The following BTBD10 variants were observed in gnomAD, a reference collection of about 807,000 sequenced individuals.
BTBD10 encodes the protein BTB/POZ domain-containing protein 10.
In BTBD10, 21 loss-of-function variants were observed where a neutral mutation model predicts 53.2. The observed-to-expected ratio is 0.39, with a 90% CI of 0.28 to 0.57. BTBD10 has a LOEUF of 0.57. Ranked by LOEUF, BTBD10 falls within the 20% of genes least tolerant of loss-of-function variation. The pLI, the probability that BTBD10 is intolerant of heterozygous loss-of-function variation, is 0.53. For missense variants in BTBD10, 360 were observed against 594.7 expected (o/e 0.61, Z 4.10); for synonymous variants, 149 against 192.7 (o/e 0.77, Z 1.88).
intron 8 of BTBD10, among the ~76,000 whole-genome samples, chr11:13,397,089 T>C (rs890820885): frequency 2.6e-5 from 4 of 152,248 alleles, no homozygotes; most frequent in Non-Finnish European, 5.9e-5. Flanking sequence ...TCTTTTTCTA[T>C]TGATTGGAAT....
chr11:13,461,688 T>C (rs144105452), intron 1 of BTBD10, among the ~76,000 whole-genome samples: 86 of 152,280 alleles, frequency 5.6e-4, no homozygotes, highest in African/African-American at 1.9e-3. Flanking sequence ...TAGAAGTCTA[T>C]CTGAAAGCTT....
chr11:13,446,244 T>G (rs1426602214), intron 1 of BTBD10, among the ~76,000 whole-genome samples: 1 of 152,068 alleles, frequency 6.6e-6, no homozygotes, highest in East Asian at 1.9e-4. Flanking sequence ...CAAGCTGGAT[T>G]TGATGGTGGG....
chr11:13,450,095 T>C (rs1259741342), intron 1 of BTBD10, among the ~76,000 whole-genome samples: 2 of 152,078 alleles, frequency 1.3e-5, no homozygotes, highest in Admixed American at 6.6e-5. Context: ...AAAGACCTGA[T>C]AGATAAGAGA....
intron 2 of BTBD10, among the ~76,000 whole-genome samples, chr11:13,431,023 T>C (rs1950439414): frequency 7.3e-6 from 1 of 136,332 alleles, no homozygotes; most frequent in African/African-American, 2.6e-5. Flanking sequence ...ATATAGCAAA[T>C]TGTACACCAG....
chr11:13,440,031 T>C (rs1950616817), intron 2 of BTBD10: 2 of 1,532,936 alleles, frequency 1.3e-6, no homozygotes, highest in African/African-American at 2.7e-5. Flanking sequence ...TTAGCACATC[T>C]GATATTTCCA....
chr11:13,388,675 C>G lies in BTBD10; in HGVS notation c.*156G>C. On this transcript the variant is annotated 3_prime_UTR_variant, in exon 9 of 9. Coordinates refer to ENST00000278174, the MANE Select transcript of BTBD10 (RefSeq NM_032320.7). Reference sequence around the variant, plus strand: ...TGTACTCATTTAAAAAAAAACCATTCAGCTACCTTTGGTCTTTAAAAAAGC... The same window carrying G: ...TGTACTCATTTAAAAAAAAACCATTGAGCTACCTTTGGTCTTTAAAAAAGC... 1.4e-6 allele frequency: 1 copy of G among 740,062 alleles called. No homozygotes were observed. The highest frequency in any genetic ancestry group is 2.7e-5 in the East Asian group (1 of 37,558). The allele number at this position is 740,062 out of a possible 1,614,324, so 45.8% of individuals were successfully genotyped here.
intron 2 of BTBD10, among the ~76,000 whole-genome samples, chr11:13,431,761 A>AT (rs1407154333): frequency 2.0e-5 from 3 of 152,136 alleles, no homozygotes; most frequent in Non-Finnish European, 4.4e-5. Context: ...TCTGCATATG[A>AT]TTTTGTCACC....
Position 13,388,677 on chromosome 11 carries a change from G to C in BTBD10, c.*154C>G. On this transcript the variant is annotated 3_prime_UTR_variant, in exon 9 of 9. Transcript: ENST00000278174. ...TACTCATTTAAAAAAAAACCATTCAGCTACCTTTGGTCTTTAAAAAAGCCT... is the reference window on the plus strand; with the variant it reads ...TACTCATTTAAAAAAAAACCATTCACCTACCTTTGGTCTTTAAAAAAGCCT... 1.3e-6 allele frequency: 1 copy of C among 753,762 alleles called. No individual in the cohort carries two copies. The highest frequency in any genetic ancestry group is 2.3e-5 in the South Asian group (1 of 44,274). The allele number at this position is 753,762 out of a possible 1,614,324, so 46.7% of individuals were successfully genotyped here. A position where few individuals can be genotyped will look rare whatever the true frequency, so the allele number is the denominator to read the frequency against.
At chr11:13,436,391 T>C (rs59846080) in intron 2 of BTBD10, among the ~76,000 whole-genome samples, 2,339 of 152,280 alleles carry the variant, frequency 0.015, 62 homozygotes, top group African/African-American at 0.053. Context: ...CCAACCAAAA[T>C]GTCCCTAGAC....
At chr11:13,432,960 G>A (rs1189257511) in intron 2 of BTBD10, among the ~76,000 whole-genome samples, 1 of 152,070 alleles carries the variant, frequency 6.6e-6, no homozygotes, top group African/African-American at 2.4e-5. Context: ...GCTGATATAA[G>A]TAGCACTCAT....
At chr11:13,395,859 C>T (rs1483218408) in intron 8 of BTBD10, among the ~76,000 whole-genome samples, 2 of 152,086 alleles carry the variant, frequency 1.3e-5, no homozygotes, top group Admixed American at 6.6e-5. Context: ...AGATATGCGG[C>T]GTTATTTCTG....
At chr11:13,407,882 A>G (rs1194228900) in intron 6 of BTBD10, among the ~76,000 whole-genome samples, 2 of 152,222 alleles carry the variant, frequency 1.3e-5, no homozygotes, top group African/African-American at 4.8e-5. Flanking sequence ...TTCTGAATGC[A>G]GCCTCCAGGA....
chr11:13,451,539 T>A (rs749050442), intron 1 of BTBD10, among the ~76,000 whole-genome samples: 1 of 151,972 alleles, frequency 6.6e-6, no homozygotes, highest in Non-Finnish European at 1.5e-5. Context: ...AAAAAGTAAG[T>A]AGTTGGAAGA....
At chr11:13,393,993 T>C (rs2135735370) in intron 8 of BTBD10, among the ~76,000 whole-genome samples, 1 of 152,338 alleles carries the variant, frequency 6.6e-6, no homozygotes, top group South Asian at 2.1e-4. Flanking sequence ...AAATACCAGC[T>C]GATAAATGTA....
chr11:13,452,639 A>C (rs1950884726), intron 1 of BTBD10, among the ~76,000 whole-genome samples: 1 of 152,198 alleles, frequency 6.6e-6, no homozygotes, highest in African/African-American at 2.4e-5. Context: ...ACTTTTGATA[A>C]GGAAAACTGG....
At chr11:13,418,504 T>C (rs554802856) in intron 4 of BTBD10, among the ~76,000 whole-genome samples, 7 of 152,236 alleles carry the variant, frequency 4.6e-5, no homozygotes, top group African/African-American at 1.4e-4. Context: ...GTCATATTCC[T>C]GATTTCTGTC....
At chr11:13,451,167 G>A (rs1005213243) in intron 1 of BTBD10, among the ~76,000 whole-genome samples, 2 of 152,170 alleles carry the variant, frequency 1.3e-5, no homozygotes, top group African/African-American at 2.4e-5. Context: ...ACACATGTAC[G>A]GGAGGTAGGG....
intron 1 of BTBD10, among the ~76,000 whole-genome samples, chr11:13,448,596 A>G (rs1950792813): frequency 6.6e-6 from 1 of 152,184 alleles, no homozygotes; most frequent in Non-Finnish European, 1.5e-5. Context: ...AGTCTACTTT[A>G]GAATCTTCTT....
At chr11:13,451,919 T>A (rs1950867670) in intron 1 of BTBD10, among the ~76,000 whole-genome samples, 1 of 152,008 alleles carries the variant, frequency 6.6e-6, no homozygotes, top group African/African-American at 2.4e-5. Flanking sequence ...GTGCCAACTG[T>A]CAAAAGAAAT....
Sources: allele counts gnomAD v4.1 joint callset (sites outside exome capture counted in the v4.1 genomes callset), GRCh38; gene constraint gnomAD v4.1.1; transcripts MANE v1.5; gene names NCBI Gene and HGNC (gene_info 2026-07-23, HGNC 2026-07-21).